The following COL4A2 variants were observed in gnomAD, a reference collection of about 807,000 sequenced individuals.
COL4A2 encodes collagen type IV alpha 2 chain.
Under a neutral mutation model 200.2 loss-of-function variants are expected in COL4A2, and 99 were observed. The ratio of observed to expected loss-of-function variants is 0.49; its 90% CI spans 0.42 to 0.58. The LOEUF (loss-of-function observed/expected upper bound fraction) is 0.58, where lower values mean the gene tolerates loss of function less well. Ranked by LOEUF, COL4A2 falls within the 20% of genes least tolerant of loss-of-function variation. The pLI is 0.00. For synonymous variants in COL4A2, 897 were observed against 900.6 expected (o/e 1.00, Z 0.07); for missense variants, 1,950 against 2,314.1 (o/e 0.84, Z 3.23).
intron 41 of COL4A2, among the ~76,000 whole-genome samples, chr13:110,502,124 G>A (rs912932375): frequency 6.6e-6 from 1 of 152,124 alleles, no homozygotes; most frequent in Non-Finnish European, 1.5e-5. Context: ...AATCACGAAC[G>A]AGCTGAATAT....
intron 3 of COL4A2, among the ~76,000 whole-genome samples, chr13:110,346,546 C>T (rs780613861): frequency 6.6e-6 from 1 of 152,134 alleles, no homozygotes; most frequent in Non-Finnish European, 1.5e-5. Context: ...CATATTTCGA[C>T]GGGGCACCCT....
intron 21 of COL4A2, chr13:110,457,671 C>A: frequency 1.5e-6 from 1 of 655,992 alleles, no homozygotes; most frequent in Non-Finnish European, 2.9e-6. Context: ...ATCTGCCATC[C>A]TCGTCACTGA....
intron 3 of COL4A2, among the ~76,000 whole-genome samples, chr13:110,354,463 C>T (rs538252304): frequency 6.6e-6 from 1 of 152,102 alleles, no homozygotes; most frequent in Admixed American, 6.5e-5. Flanking sequence ...TACCTAGGAT[C>T]GTGTTTTCAG....
At chr13:110,382,336 G>A (rs1878522333) in intron 4 of COL4A2, among the ~76,000 whole-genome samples, 1 of 152,104 alleles carries the variant, frequency 6.6e-6, no homozygotes, top group African/African-American at 2.4e-5. Flanking sequence ...AGACTTAGGG[G>A]AAAAAACAAG....
At chr13:110,343,069 G>T (rs75947053) in intron 3 of COL4A2, among the ~76,000 whole-genome samples, 11 of 152,244 alleles carry the variant, frequency 7.2e-5, no homozygotes, top group Non-Finnish European at 1.6e-4. Context: ...AGAGGTTAGC[G>T]TCCAAAACTT....
chr13:110,452,317 C>T (rs1157087237), intron 20 of COL4A2, among the ~76,000 whole-genome samples: 2 of 150,878 alleles, frequency 1.3e-5, no homozygotes, highest in African/African-American at 2.4e-5. Flanking sequence ...CGCCCGCCCT[C>T]ACGCCCGGCT....
intron 4 of COL4A2, among the ~76,000 whole-genome samples, chr13:110,422,530 G>A (rs1185400413): frequency 1.3e-5 from 2 of 152,174 alleles, no homozygotes; most frequent in Non-Finnish European, 2.9e-5. Context: ...TGCCCGAGGT[G>A]AGTACTGATG....
chr13:110,461,837 A>G (rs1405460529), intron 22 of COL4A2, among the ~76,000 whole-genome samples: 4 of 152,204 alleles, frequency 2.6e-5, no homozygotes, highest in East Asian at 1.9e-4. Flanking sequence ...GCCCGGCCAC[A>G]TTGTAATTAT....
chr13:110,328,997 T>C (rs1042327984), intron 3 of COL4A2, among the ~76,000 whole-genome samples: 1 of 152,258 alleles, frequency 6.6e-6, no homozygotes, highest in African/African-American at 2.4e-5. Flanking sequence ...AACAACATTA[T>C]GGAACAAATT....
At chr13:110,480,700 G>A (rs1882869458) in intron 31 of COL4A2, among the ~76,000 whole-genome samples, 1 of 152,244 alleles carries the variant, frequency 6.6e-6, no homozygotes, top group Non-Finnish European at 1.5e-5. Context: ...GAAATTTGTG[G>A]AGAGGTCCAC....
intron 4 of COL4A2, among the ~76,000 whole-genome samples, chr13:110,379,369 G>T (rs1365075618): frequency 6.6e-6 from 1 of 152,248 alleles, no homozygotes; most frequent in Non-Finnish European, 1.5e-5. Context: ...CCGAGGGAAA[G>T]CCTTGCCCTC....
intron 18 of COL4A2, 87 bp downstream of exon 18, chr13:110,446,951 GAT>G: frequency 9.2e-7 from 1 of 1,083,720 alleles, no homozygotes; most frequent in East Asian, 2.6e-5. Context: ...TTTCAAGACA[GAT>G]ATTCTAAGCA....
chr13:110,498,926 C>A (rs1397001656), intron 40 of COL4A2, among the ~76,000 whole-genome samples: 1 of 152,198 alleles, frequency 6.6e-6, no homozygotes, highest in African/African-American at 2.4e-5. Flanking sequence ...CAAGCCATGC[C>A]CCCACCCTCG....
chr13:110,484,102 A>AC (rs1174083384), intron 32 of COL4A2, among the ~76,000 whole-genome samples: 2 of 152,040 alleles, frequency 1.3e-5, no homozygotes, highest in Admixed American at 6.5e-5. Flanking sequence ...AGGCAAAAAA[A>AC]AAAAATGACA....
intron 28 of COL4A2, among the ~76,000 whole-genome samples, chr13:110,470,620 T>G (rs1882433139): frequency 6.6e-6 from 1 of 152,174 alleles, no homozygotes; most frequent in African/African-American, 2.4e-5. Flanking sequence ...TTATCAGGAT[T>G]CTTTTCCAAC....
intron 4 of COL4A2, among the ~76,000 whole-genome samples, chr13:110,371,826 C>A (rs535952582): frequency 6.6e-6 from 1 of 152,116 alleles, no homozygotes; most frequent in Non-Finnish European, 1.5e-5. Flanking sequence ...TGACGTTGGC[C>A]GTGCCGGGAG....
At chr13:110,423,165 C>T (rs759431575) in intron 4 of COL4A2, among the ~76,000 whole-genome samples, 4 of 152,078 alleles carry the variant, frequency 2.6e-5, no homozygotes, top group Non-Finnish European at 4.4e-5. Context: ...TTAGGACATA[C>T]GTTTTTTTAA....
At chr13:110,342,342 T>C (rs1876495250) in intron 3 of COL4A2, among the ~76,000 whole-genome samples, 1 of 152,216 alleles carries the variant, frequency 6.6e-6, no homozygotes, top group South Asian at 2.1e-4. Context: ...GTCAGCATTA[T>C]ATGCATGCTT....
Position 110,339,475 on chromosome 13 carries a change from C to T in COL4A2, c.100-17997C>T, listed in dbSNP as rs553590188. Among the ~76,000 whole-genome samples the T allele has an allele frequency of 5.9e-5, 9 of 152,280 alleles. No individual in the cohort carries two copies. In the East Asian group the frequency reaches 1.2e-3, roughly 20 times the overall value. ...GGAAGCCTGGCCGGTCAGTCTCAAA[C>T]GAGTTTACTGCCTCCGACCCAATTG... On this transcript the variant is annotated intron_variant, in intron 3 of 47. Coordinates refer to ENST00000360467, the MANE Select transcript of COL4A2 (RefSeq NM_001846.4).
Sources: allele counts gnomAD v4.1 joint callset (sites outside exome capture counted in the v4.1 genomes callset), GRCh38; gene constraint gnomAD v4.1.1; transcripts MANE v1.5; gene names NCBI Gene and HGNC (gene_info 2026-07-23, HGNC 2026-07-21).